The following RYR3 variants were observed in gnomAD, a reference collection of about 807,000 sequenced individuals.
RYR3 encodes the protein ryanodine receptor 3, also known as brain ryanodine receptor-calcium release channel.
In RYR3, 207 loss-of-function variants were observed where a neutral mutation model predicts 584.3. The observed-to-expected ratio is 0.35, with a 90% CI of 0.32 to 0.40. The LOEUF is 0.40. RYR3 is among the 10% of genes least tolerant of loss of function. The pLI is 1.00. For missense variants in RYR3, 5,616 were observed against 6,089.2 expected (o/e 0.92, Z 2.59); for synonymous variants, 2,416 against 2,248.5 (o/e 1.07, Z -2.11).
chr15:33,393,696 C>T (rs534725728), intron 1 of RYR3, among the ~76,000 whole-genome samples: 13 of 152,102 alleles, frequency 8.5e-5, no homozygotes, highest in Non-Finnish European at 1.9e-4. Context: ...GCATGTTGGT[C>T]GTTTGGTAAA....
At chr15:33,607,991 T>G (rs2059991357) in intron 18 of RYR3, among the ~76,000 whole-genome samples, 1 of 152,202 alleles carries the variant, frequency 6.6e-6, no homozygotes, top group Admixed American at 6.5e-5. Flanking sequence ...GGTCACACAT[T>G]AAGTGACAGA....
At chr15:33,619,226 A>G (rs2060598983) in intron 19 of RYR3, among the ~76,000 whole-genome samples, 1 of 152,224 alleles carries the variant, frequency 6.6e-6, no homozygotes, top group Non-Finnish European at 1.5e-5. Context: ...GGAACGGATT[A>G]AATAGATTAA....
intron 102 of RYR3, among the ~76,000 whole-genome samples, chr15:33,863,667 T>C (rs983941360): frequency 2.0e-5 from 3 of 152,092 alleles, no homozygotes; most frequent in African/African-American, 7.2e-5. Flanking sequence ...AACAAAACTA[T>C]AGTTCTGGAA....
At chr15:33,505,698 T>C (rs2052416000) in intron 3 of RYR3, among the ~76,000 whole-genome samples, 2 of 152,208 alleles carry the variant, frequency 1.3e-5, no homozygotes, top group Admixed American at 1.3e-4. Flanking sequence ...TTCACCGTGT[T>C]AGCCAGGATG....
Position 33,547,391 on chromosome 15 carries a change from T to G in RYR3, c.741-739T>G, listed in dbSNP as rs2056327345. 2.0e-5 allele frequency among the ~76,000 whole-genome samples: 3 copies of G among 152,134 alleles called. No homozygotes were observed. The South Asian group carries it at 6.2e-4, about 32-fold the overall frequency. The stretch of plus-strand genomic sequence containing the variant: ...AAATTAAGGTGAAATTCAAATAAAG[T>G]CTTGAGTTTAGCTAGTAATGACATA... On this transcript the variant is annotated intron_variant, in intron 8 of 103. Transcript: ENST00000634891.
intron 58 of RYR3, among the ~76,000 whole-genome samples, 159 bp downstream of exon 58, chr15:33,755,339 G>A (rs975599916): frequency 1.3e-5 from 2 of 152,066 alleles, no homozygotes; most frequent in Non-Finnish European, 2.9e-5. Flanking sequence ...AAATCAATCC[G>A]GCCGGGCGCT....
At chr15:33,342,513 T>TA (rs1329318105) in intron 1 of RYR3, among the ~76,000 whole-genome samples, 1 of 152,218 alleles carries the variant, frequency 6.6e-6, no homozygotes, top group Non-Finnish European at 1.5e-5. Context: ...AATATATTAA[T>TA]AGGTAGGGTT....
At chr15:33,685,500 G>A (rs1436003008) in intron 38 of RYR3, among the ~76,000 whole-genome samples, 5 of 152,156 alleles carry the variant, frequency 3.3e-5, no homozygotes, top group Admixed American at 2.6e-4. Context: ...AATAATGGGA[G>A]ACTTTAACAC....
At chr15:33,414,130 AAAC>A (rs1158819129) in intron 1 of RYR3, among the ~76,000 whole-genome samples, 2 of 152,228 alleles carry the variant, frequency 1.3e-5, no homozygotes, top group African/African-American at 2.4e-5. Flanking sequence ...CCCCCTTGTT[AAAC>A]AACAGAAATT....
intron 38 of RYR3, among the ~76,000 whole-genome samples, chr15:33,684,625 G>A (rs1361420806): frequency 6.6e-6 from 1 of 152,080 alleles, no homozygotes; most frequent in Non-Finnish European, 1.5e-5. Flanking sequence ...TCCTCGAGAA[G>A]AGCAACCCCA....
intron 23 of RYR3, among the ~76,000 whole-genome samples, chr15:33,632,237 C>T (rs1455818781): frequency 6.6e-6 from 1 of 152,232 alleles, no homozygotes; most frequent in East Asian, 1.9e-4. Context: ...GTCAATGGCC[C>T]TAGGGCCATA....
chr15:33,791,089 T>C (rs1278636762), intron 67 of RYR3, among the ~76,000 whole-genome samples: 1 of 152,206 alleles, frequency 6.6e-6, no homozygotes, highest in East Asian at 1.9e-4. Flanking sequence ...AGGACTTGGA[T>C]CTGGCAATAC....
chr15:33,819,865 T>C (rs2077021339), intron 77 of RYR3, 58 bp downstream of exon 77: 11 of 1,374,078 alleles, frequency 8.0e-6, no homozygotes, highest in African/African-American at 1.4e-5. Flanking sequence ...TAGATTTCTT[T>C]AGGCGCATGA....
Position 33,611,173 on chromosome 15 carries a change from TAATG to T in RYR3, c.2165-2006_2165-2003del, listed in dbSNP as rs562168934. Among the ~76,000 whole-genome samples the T allele has an allele frequency of 4.6e-3, 694 of 152,292 alleles. 5 individuals carry two copies. The highest frequency in any genetic ancestry group is 0.016 in the African/African-American group (670 of 41,548). On this transcript the variant is annotated intron_variant, in intron 18 of 103. Coordinates refer to ENST00000634891, the MANE Select transcript of RYR3 (RefSeq NM_001036.6). ...TATACACCCATTAAAATTAAATTTC[TAATG>T]AATATTGTATTATACAATAAAATGT...
At chr15:33,476,179 A>G (rs1277641845) in intron 2 of RYR3, among the ~76,000 whole-genome samples, 1 of 152,228 alleles carries the variant, frequency 6.6e-6, no homozygotes, top group Non-Finnish European at 1.5e-5. Flanking sequence ...ATATAATTCT[A>G]TAAACATGTC....
chr15:33,379,246 T>C (rs1305992525), intron 1 of RYR3, among the ~76,000 whole-genome samples: 2 of 152,138 alleles, frequency 1.3e-5, no homozygotes, highest in Non-Finnish European at 1.5e-5. Context: ...TTTTCAGGAA[T>C]TTGAGAGATT....
chr15:33,838,781 C>A lies in RYR3; in HGVS notation c.12801C>A (p.Phe4267Leu). ...EPGITTELVH[F>L]IKGEKGDTDI... ...GTATCACCACTGAACTAGTACACTT[C>A]ATAAAGGGGGAGAAGGGAGATACAG... Residue 4267 changes from phenylalanine to leucine, a missense_variant, in exon 89 of 104, where the codon TTC becomes TTA. Around this residue, in one of 9 missense-constraint regions of RYR3, gnomAD observed 918 missense variants for 887.4 expected, o/e 1.03. Coordinates refer to ENST00000634891, the MANE Select transcript of RYR3 (RefSeq NM_001036.6). The A allele has an allele frequency of 6.2e-7, 1 of 1,613,890 alleles. No individual in the cohort carries two copies. The highest frequency in any genetic ancestry group is 8.5e-7 in the Non-Finnish European group (1 of 1,179,872).
intron 20 of RYR3, 83 bp downstream of exon 20, chr15:33,624,106 C>G (rs1465956588): frequency 2.1e-6 from 2 of 955,840 alleles, no homozygotes; most frequent in Non-Finnish European, 3.3e-6. Context: ...GTTTTTGAAC[C>G]TTTCTTAATA....
intron 67 of RYR3, among the ~76,000 whole-genome samples, chr15:33,794,294 T>TA (rs1370807613): frequency 0.1 from 9,623 of 91,990 alleles, 1,536 homozygotes; most frequent in East Asian, 0.35. Flanking sequence ...GAAAAGATTT[T>TA]TTATATATAT....
Sources: allele counts gnomAD v4.1 joint callset (sites outside exome capture counted in the v4.1 genomes callset), GRCh38; gene constraint gnomAD v4.1.1; regional missense constraint gnomAD v4.1.1; transcripts MANE v1.5; gene names NCBI Gene and HGNC (gene_info 2026-07-23, HGNC 2026-07-21).